NAF1: variants seen among roughly 807,000 people sequenced by gnomAD.
NAF1 encodes the protein nuclear assembly factor 1 ribonucleoprotein.
Under a neutral mutation model 40.6 loss-of-function variants are expected in NAF1, and 11 were observed. The observed-to-expected ratio is 0.27, with a 90% CI of 0.17 to 0.45. The LOEUF is 0.45. Ranked by LOEUF, NAF1 falls within the 20% of genes least tolerant of loss-of-function variation. NAF1 has a pLI of 1.00. For synonymous variants in NAF1, 260 were observed against 228.5 expected (o/e 1.14, Z -1.24); for missense variants, 607 against 611.1 (o/e 0.99, Z 0.07).
At chr4:163,104,971 G>A in the NAF1 span, among the ~76,000 whole-genome samples, 2 of 152,264 alleles carry the variant, frequency 1.3e-5, no homozygotes, top group African/African-American at 2.4e-5. Context: ...AAAACCAGTC[G>A]TTGAAATTTT....
intron 3 of NAF1, 78 bp from the exon 4 acceptor site, chr4:163,145,942 C>A: frequency 1.3e-6 from 1 of 778,818 alleles, no homozygotes. Context: ...AGCTTTAATT[C>A]CAACATAATT....
At chr4:163,112,315 T>C (rs1393088868) in intron 2 of NAF1, among the ~76,000 whole-genome samples, 1 of 151,884 alleles carries the variant, frequency 6.6e-6, no homozygotes, top group Non-Finnish European at 1.5e-5. Flanking sequence ...AAAAAGTAGG[T>C]TGGTAGGTGA....
chr4:163,113,181 CATAT>C (rs1730215972), intron 2 of NAF1, among the ~76,000 whole-genome samples: 1 of 152,140 alleles, frequency 6.6e-6, no homozygotes, highest in African/African-American at 2.4e-5. Flanking sequence ...AGAAATAATA[CATAT>C]ATAGATAGTT....
intron 2 of NAF1, among the ~76,000 whole-genome samples, chr4:163,159,098 T>C (rs1732113511): frequency 6.6e-6 from 1 of 152,120 alleles, no homozygotes; most frequent in Admixed American, 6.5e-5. Flanking sequence ...AACAATTGAA[T>C]GTTTCTGTGT....
intron 2 of NAF1, among the ~76,000 whole-genome samples, chr4:163,154,023 C>T (rs1337411097): frequency 6.6e-6 from 1 of 152,110 alleles, no homozygotes; most frequent in Non-Finnish European, 1.5e-5. Flanking sequence ...TAACACTCAC[C>T]GCGAAGGTCT....
At chr4:163,126,787 T>A (rs1046688554), downstream of NAF1, 1 of 577,202 alleles carries the variant, frequency 1.7e-6, no homozygotes, top group Non-Finnish European at 2.7e-6. Context: ...ACTTCACTGC[T>A]ATCTATTAGG....
At chr4:163,142,017 A>T in intron 4 of NAF1, 1 of 603,618 alleles carries the variant, frequency 1.7e-6, no homozygotes, top group Non-Finnish European at 2.1e-6. Context: ...ATGTATTATG[A>T]AATAACACTA....
rs182499812 is a variant in NAF1, at chr4:163,161,623, C to T, written c.540+2594G>A. Among the ~76,000 whole-genome samples the T allele has an allele frequency of 3.9e-5, 6 of 152,250 alleles. No individual in the cohort carries two copies. The East Asian group carries it at 1.2e-3, about 29-fold the overall frequency. On this transcript the variant is annotated intron_variant, in intron 2 of 7. Coordinates refer to ENST00000274054, the MANE Select transcript of NAF1 (RefSeq NM_138386.3). The stretch of plus-strand genomic sequence containing the variant: ...ACTAGCCTTCACAGCTGCCTTAGTT[C>T]CCAGCTGCTTTCGAATAAACTTCCA...
chr4:163,154,906 G>C (rs1046016677), intron 2 of NAF1, among the ~76,000 whole-genome samples: 6 of 147,468 alleles, frequency 4.1e-5, no homozygotes, highest in Non-Finnish European at 9.0e-5. Flanking sequence ...AAAAAAAACA[G>C]AGCGAGAGAG....
chr4:163,121,160 G>T (rs1341923080), intron 2 of NAF1, among the ~76,000 whole-genome samples: 1 of 151,986 alleles, frequency 6.6e-6, no homozygotes, highest in Non-Finnish European at 1.5e-5. Flanking sequence ...CAAAGTGTTG[G>T]GATTACAGGT....
intron 6 of NAF1, 189 bp from the exon 7 acceptor site, chr4:163,133,445 C>T (rs563011708): frequency 8.8e-5 from 46 of 521,840 alleles, no homozygotes; most frequent in Non-Finnish European, 6.8e-5. Flanking sequence ...TTGATAAATG[C>T]TTAATGACTT....
chr4:163,147,809 G>C (rs998518782), intron 3 of NAF1, among the ~76,000 whole-genome samples: 1 of 152,170 alleles, frequency 6.6e-6, no homozygotes, highest in Non-Finnish European at 1.5e-5. Context: ...CATGTGGTTA[G>C]AGTGAGGTGA....
At chr4:163,155,835 C>T (rs189953114) in intron 2 of NAF1, among the ~76,000 whole-genome samples, 13 of 152,160 alleles carry the variant, frequency 8.5e-5, no homozygotes, top group East Asian at 1.9e-4. Flanking sequence ...GGGGAAAATA[C>T]GGCCAGAAAA....
intron 2 of NAF1, among the ~76,000 whole-genome samples, chr4:163,151,333 G>T (rs983177641): frequency 2.0e-5 from 3 of 151,056 alleles, no homozygotes; most frequent in African/African-American, 7.3e-5. Flanking sequence ...CAAAATCACT[G>T]AAAATTCACT....
intron 2 of NAF1, among the ~76,000 whole-genome samples, chr4:163,154,579 G>A (rs1290670622): frequency 6.6e-6 from 1 of 152,136 alleles, no homozygotes; most frequent in South Asian, 2.1e-4. Flanking sequence ...AGCATGCTAA[G>A]AGAGGAGGAC....
At chr4:163,123,353 G>C (rs1477074294), downstream of NAF1, among the ~76,000 whole-genome samples, 1 of 152,108 alleles carries the variant, frequency 6.6e-6, no homozygotes, top group Non-Finnish European at 1.5e-5. Context: ...GATTTGGAGG[G>C]GACAAAGGTC....
chr4:163,152,629 C>G (rs961755188), intron 2 of NAF1, among the ~76,000 whole-genome samples: 4 of 152,254 alleles, frequency 2.6e-5, no homozygotes, highest in Non-Finnish European at 4.4e-5. Flanking sequence ...TCTGAAATCA[C>G]CACCATATTT....
At chr4:163,164,463 T>C in intron 1 of NAF1, 72 bp from the exon 2 acceptor site, 1 of 1,093,046 alleles carries the variant, frequency 9.1e-7, no homozygotes, top group Non-Finnish European at 1.2e-6. Context: ...ATTATTCAAT[T>C]AAGAAATATC....
At chr4:163,157,389 G>C (rs140154980) in intron 2 of NAF1, 1 of 151,986 alleles carries the variant, frequency 6.6e-6, no homozygotes, top group African/African-American at 2.4e-5. Context: ...TACCAGTTCA[G>C]ATCTGCTCCT....
Sources: gnomAD v4.1 joint callset for allele counts (sites outside exome capture counted in the v4.1 genomes callset) on GRCh38, gnomAD v4.1.1 for gene constraint, MANE v1.5 for transcripts, NCBI Gene and HGNC (gene_info 2026-07-23, HGNC 2026-07-21) for gene names.